Variants in FLRT1 observed in about 807,000 individuals in gnomAD.
FLRT1 encodes leucine-rich repeat transmembrane protein FLRT1.
A neutral mutation model predicts 30.9 loss-of-function variants in FLRT1; 14 were observed. The observed-to-expected ratio is 0.45, with a 90% CI of 0.30 to 0.71. The LOEUF (loss-of-function observed/expected upper bound fraction) is 0.71, where lower values mean the gene tolerates loss of function less well. FLRT1 is among the 30% of genes least tolerant of loss of function. The pLI is 0.08. For missense variants in FLRT1, 737 were observed against 949.2 expected, an observed-to-expected ratio of 0.78 and a Z score of 2.94; for synonymous variants, 368 against 430.4, an observed-to-expected ratio of 0.85 and a Z score of 1.80.
intron 1 of FLRT1, among the ~76,000 whole-genome samples, chr11:64,065,539 C>T (rs1175063251): frequency 1.3e-5 from 2 of 152,126 alleles, no homozygotes; most frequent in Non-Finnish European, 2.9e-5. Flanking sequence ...CCTGTAATCC[C>T]AGCACTTTGG....
At chr11:64,092,913 G>A (rs1342857624) in intron 1 of FLRT1, among the ~76,000 whole-genome samples, 1 of 152,248 alleles carries the variant, frequency 6.6e-6, no homozygotes, top group African/African-American at 2.4e-5. Flanking sequence ...CTTTGCCGCA[G>A]GACTTCTCAG....
chr11:64,114,709 A>AGATGGATGGATGGATGAATG (rs1472290196), intron 2 of FLRT1, among the ~76,000 whole-genome samples: 1 of 145,770 alleles, frequency 6.9e-6, no homozygotes, highest in African/African-American at 2.5e-5. Flanking sequence ...ACTGATACAT[A>AGATGGATGGATGGATGAATG]GATGGATGGA....
At position 64,036,395 on chromosome 11, in the gene FLRT1, C is replaced by T. The variant is rs1366348510; in HGVS notation, c.-1038+236C>T. Among the ~76,000 whole-genome samples the T allele has an allele frequency of 1.3e-5, 2 of 152,122 alleles. No individual in the cohort carries two copies. The highest frequency in any genetic ancestry group is 4.8e-5 in the African/African-American group (2 of 41,442). On this transcript the variant is annotated intron_variant, in intron 1 of 2. Coordinates refer to ENST00000682287, the MANE Select transcript of FLRT1 (RefSeq NM_013280.5). The surrounding 1 kb of genome is among the most constrained non-coding windows in gnomAD (Gnocchi z 5.6). ...TGGCGCTGGCCCCGCCGCGGGGAGG[C>T]GCGGGGTGCGCGGCCGGCGGCTCAG...
At chr11:64,044,057 C>A (rs1590830710) in intron 1 of FLRT1, among the ~76,000 whole-genome samples, 2 of 151,960 alleles carry the variant, frequency 1.3e-5, no homozygotes, top group East Asian at 3.9e-4. Context: ...CTCAGGTGAT[C>A]CACCCACTTC....
chr11:64,085,514 A>G (rs1246209448), intron 1 of FLRT1, among the ~76,000 whole-genome samples: 1 of 152,158 alleles, frequency 6.6e-6, no homozygotes, highest in Non-Finnish European at 1.5e-5. Context: ...TTGTCCACCC[A>G]AATTAAATTT....
intron 1 of FLRT1, among the ~76,000 whole-genome samples, chr11:64,057,764 C>T (rs1206581929): frequency 2.6e-5 from 4 of 152,258 alleles, no homozygotes; most frequent in Admixed American, 6.5e-5. Context: ...AGGAAGGGGA[C>T]AGCCACTTGT....
At chr11:64,076,473 A>G (rs2622432) in intron 1 of FLRT1, among the ~76,000 whole-genome samples, 46,492 of 151,810 alleles carry the variant, frequency 0.31, 12,934 homozygotes, top group African/African-American at 0.73. Context: ...CGGACGGACG[A>G]ATGGATGGAT....
At chr11:64,088,601 C>A (rs924556571) in intron 1 of FLRT1, among the ~76,000 whole-genome samples, 2 of 143,410 alleles carry the variant, frequency 1.4e-5, no homozygotes, top group African/African-American at 5.4e-5. Flanking sequence ...TCCTCCTCCT[C>A]CCCGGGTTTT....
chr11:64,084,417 C>T (rs1013468408), intron 1 of FLRT1, among the ~76,000 whole-genome samples: 2 of 152,190 alleles, frequency 1.3e-5, no homozygotes, highest in Admixed American at 6.5e-5. Flanking sequence ...ACCTTTCCCG[C>T]GAAGCCCCCT....
intron 1 of FLRT1, among the ~76,000 whole-genome samples, chr11:64,069,040 C>T (rs1220469991): frequency 4.7e-5 from 7 of 149,852 alleles, no homozygotes; most frequent in East Asian, 2.0e-4. Flanking sequence ...GGGATTCCTC[C>T]GGGGGCAGTG....
At chr11:64,060,830 G>A (rs776180484) in intron 1 of FLRT1, among the ~76,000 whole-genome samples, 1 of 152,150 alleles carries the variant, frequency 6.6e-6, no homozygotes, top group Non-Finnish European at 1.5e-5. Flanking sequence ...GGTCGCCCGG[G>A]TCCCGGAGCC....
chr11:64,105,427 T>C (rs1019540698), intron 2 of FLRT1, among the ~76,000 whole-genome samples: 1 of 152,216 alleles, frequency 6.6e-6, no homozygotes, highest in Non-Finnish European at 1.5e-5. Context: ...GGTTGGGGCC[T>C]GGCCCTCTGG....
chr11:64,071,780 G>A (rs1370423328), intron 1 of FLRT1, among the ~76,000 whole-genome samples: 1 of 152,186 alleles, frequency 6.6e-6, no homozygotes, highest in African/African-American at 2.4e-5. Flanking sequence ...CCTCCTCAGG[G>A]CCTGTGGGGC....
intron 1 of FLRT1, among the ~76,000 whole-genome samples, chr11:64,049,653 G>A (rs1276710467): frequency 6.6e-6 from 1 of 152,218 alleles, no homozygotes; most frequent in Non-Finnish European, 1.5e-5. Flanking sequence ...GCTGAAGGGG[G>A]TGGACGCTGG....
rs534029040 is a variant in FLRT1, at chr11:64,077,997, G to A, written c.-1037-25197G>A. On this transcript the variant is annotated intron_variant, in intron 1 of 2. Coordinates refer to ENST00000682287, the MANE Select transcript of FLRT1 (RefSeq NM_013280.5). ...TTTCCCCTGCCTCCTCCTCAGCGGG[G>A]GTCCCAGACGCTCTCCCCGTGCCCA... Among the ~76,000 whole-genome samples, 7 of 152,300 alleles carry A rather than the reference G, an allele frequency of 4.6e-5. No individual in the cohort carries two copies. The South Asian group carries it at 1.4e-3, about 32-fold the overall frequency.
intron 1 of FLRT1, among the ~76,000 whole-genome samples, chr11:64,084,152 G>A (rs1944352611): frequency 6.6e-6 from 1 of 152,158 alleles, no homozygotes; most frequent in Non-Finnish European, 1.5e-5. Flanking sequence ...TGAGTGCATG[G>A]CACGCGCGCC....
At chr11:64,092,913 G>C (rs1342857624) in intron 1 of FLRT1, among the ~76,000 whole-genome samples, 1 of 152,248 alleles carries the variant, frequency 6.6e-6, no homozygotes, top group Non-Finnish European at 1.5e-5. Flanking sequence ...CTTTGCCGCA[G>C]GACTTCTCAG....
rs935244019 is a variant in FLRT1, at chr11:64,036,854, C to T, written c.-1038+695C>T. 2.0e-5 allele frequency among the ~76,000 whole-genome samples: 3 copies of T among 152,164 alleles called. No individual in the cohort carries two copies. The highest frequency in any genetic ancestry group is 7.2e-5 in the African/African-American group (3 of 41,442). ...CTCAAGACAAGGAGGCGGCCCGACC[C>T]GGCGGCGCACGCCCCTCCTCGCGGG... On this transcript the variant is annotated intron_variant, in intron 1 of 2. Coordinates refer to ENST00000682287, the MANE Select transcript of FLRT1 (RefSeq NM_013280.5). The surrounding 1 kb of genome is among the most constrained non-coding windows in gnomAD (Gnocchi z 5.6).
chr11:64,099,812 G>C (rs774254917), intron 1 of FLRT1, among the ~76,000 whole-genome samples: 1 of 151,950 alleles, frequency 6.6e-6, no homozygotes, highest in Non-Finnish European at 1.5e-5. Flanking sequence ...TGGACGGATG[G>C]AGAGGTGAAT....
Sources: allele counts gnomAD v4.1 joint callset (sites outside exome capture counted in the v4.1 genomes callset), GRCh38; gene constraint gnomAD v4.1.1; non-coding constraint Gnocchi (gnomAD v3.1); transcripts MANE v1.5; gene names NCBI Gene and HGNC (gene_info 2026-07-23, HGNC 2026-07-21).